DENND5B: variants seen among roughly 807,000 people sequenced by gnomAD.
DENND5B encodes the protein DENN domain-containing protein 5B.
Under a neutral mutation model 140.6 loss-of-function variants are expected in DENND5B, and 34 were observed. The observed-to-expected ratio is 0.24, with a 90% CI of 0.18 to 0.32. The LOEUF is 0.32. Among genes scored for constraint, DENND5B ranks in the 10% least tolerant of loss-of-function variants. The probability of loss-of-function intolerance (pLI) is 1.00; values close to 1 mark genes in which losing one functional copy is unlikely to be tolerated. For missense variants in DENND5B, 1,142 were observed against 1,560.2 expected (o/e 0.73, Z 4.52); for synonymous variants, 551 against 562.1 (o/e 0.98, Z 0.28).
chr12:31,578,126 C>CAAAAA (rs5797421), intron 1 of DENND5B, among the ~76,000 whole-genome samples: 3 of 77,304 alleles, frequency 3.9e-5, no homozygotes, highest in Admixed American at 1.7e-4. Context: ...GACGCTGTCT[C>CAAAAA]AAAAAAAAAA....
intron 6 of DENND5B, among the ~76,000 whole-genome samples, chr12:31,443,407 A>G (rs1003283332): frequency 5.9e-5 from 9 of 152,186 alleles, no homozygotes; most frequent in African/African-American, 2.2e-4. Flanking sequence ...CTCTTCAGAA[A>G]TTAGTATAAT....
At chr12:31,568,235 G>A (rs1949698568) in intron 1 of DENND5B, among the ~76,000 whole-genome samples, 1 of 152,214 alleles carries the variant, frequency 6.6e-6, no homozygotes, top group African/African-American at 2.4e-5. Context: ...AGGTACATAT[G>A]AAATATAAGT....
At chr12:31,453,740 G>A (rs1223505951) in intron 4 of DENND5B, among the ~76,000 whole-genome samples, 1 of 152,150 alleles carries the variant, frequency 6.6e-6, no homozygotes, top group African/African-American at 2.4e-5. Flanking sequence ...TAAGGGGAAA[G>A]GGGAAAGCAA....
chr12:31,542,359 T>C (rs1340137256), intron 1 of DENND5B, among the ~76,000 whole-genome samples: 1 of 151,130 alleles, frequency 6.6e-6, no homozygotes, highest in Non-Finnish European at 1.5e-5. Flanking sequence ...TACCAGAGGC[T>C]GAGAAGGGTA....
At chr12:31,581,004 C>A (rs1365864510) in intron 1 of DENND5B, among the ~76,000 whole-genome samples, 1 of 152,094 alleles carries the variant, frequency 6.6e-6, no homozygotes, top group African/African-American at 2.4e-5. Context: ...ACTTGGGAGG[C>A]TGAGGTAGGA....
intron 1 of DENND5B, among the ~76,000 whole-genome samples, chr12:31,515,076 T>C (rs1011935905): frequency 1.3e-5 from 2 of 152,110 alleles, no homozygotes; most frequent in African/African-American, 2.4e-5. Flanking sequence ...TCAGCTCTGA[T>C]AGTGCCACTG....
At position 31,513,420 on chromosome 12, in the gene DENND5B, C is replaced by T. The variant is rs550611420; in HGVS notation, c.128-17501G>A. ...TACTTCACCTCTTGAGGGTAAAGTACGTATCTACCTCTATCATTTGGAATT... is the reference window on the plus strand; with the variant it reads ...TACTTCACCTCTTGAGGGTAAAGTATGTATCTACCTCTATCATTTGGAATT... On this transcript the variant is annotated intron_variant, in intron 1 of 20. Coordinates refer to ENST00000389082, the MANE Select transcript of DENND5B (RefSeq NM_144973.4). 1.1e-3 allele frequency among the ~76,000 whole-genome samples: 165 copies of T among 152,278 alleles called. 1 individual carries two copies. The highest frequency in any genetic ancestry group is 2.3e-3 in the African/African-American group (95 of 41,566).
At chr12:31,551,241 A>G (rs1324186360) in intron 1 of DENND5B, among the ~76,000 whole-genome samples, 1 of 152,140 alleles carries the variant, frequency 6.6e-6, no homozygotes, top group African/African-American at 2.4e-5. Flanking sequence ...ATTTTTGTAA[A>G]AGGTGTAAGG....
intron 4 of DENND5B, among the ~76,000 whole-genome samples, chr12:31,456,642 G>A (rs1159366828): frequency 6.6e-6 from 1 of 152,204 alleles, no homozygotes; most frequent in Non-Finnish European, 1.5e-5. Context: ...ATGGTCATTT[G>A]GGGGAACCCT....
At chr12:31,532,369 G>A (rs2139093063) in intron 1 of DENND5B, among the ~76,000 whole-genome samples, 1 of 152,286 alleles carries the variant, frequency 6.6e-6, no homozygotes, top group South Asian at 2.1e-4. Flanking sequence ...TAAGACAAGA[G>A]GGTGGGCAGG....
intron 2 of DENND5B, among the ~76,000 whole-genome samples, chr12:31,485,201 G>A (rs1946253067): frequency 6.6e-6 from 1 of 152,172 alleles, no homozygotes; most frequent in Non-Finnish European, 1.5e-5. Context: ...AACAATGCCT[G>A]ACCGCACATC....
At chr12:31,477,959 C>T (rs1264008936) in intron 3 of DENND5B, 1 of 223,318 alleles carries the variant, frequency 4.5e-6, no homozygotes, top group Non-Finnish European at 1.0e-5. Context: ...CATCTGAAAT[C>T]TGTGGAGCAG....
intron 11 of DENND5B, 48 bp from the exon 12 acceptor site, chr12:31,415,496 T>C: frequency 2.1e-6 from 3 of 1,412,130 alleles, no homozygotes; most frequent in Non-Finnish European, 2.0e-6. Flanking sequence ...ATAAAAAATA[T>C]ACATGGTTCA....
intron 1 of DENND5B, among the ~76,000 whole-genome samples, chr12:31,556,813 T>C (rs1351441656): frequency 1.3e-5 from 2 of 152,210 alleles, no homozygotes; most frequent in African/African-American, 4.8e-5. Context: ...TCAAGAATAC[T>C]AGCAGATGAG....
intron 17 of DENND5B, among the ~76,000 whole-genome samples, chr12:31,397,757 C>G (rs1390796008): frequency 6.6e-6 from 1 of 151,760 alleles, no homozygotes; most frequent in Non-Finnish European, 1.5e-5. Flanking sequence ...GAAAGGCAGT[C>G]TATAAAAAAT....
At chr12:31,398,933 C>T (rs1389514206) in intron 16 of DENND5B, among the ~76,000 whole-genome samples, 1 of 151,494 alleles carries the variant, frequency 6.6e-6, no homozygotes, top group Admixed American at 6.6e-5. Flanking sequence ...ACCAGCCTGG[C>T]CAACATAGCA....
chr12:31,574,048 A>G (rs903297117), intron 1 of DENND5B, among the ~76,000 whole-genome samples: 1 of 151,378 alleles, frequency 6.6e-6, no homozygotes, highest in Non-Finnish European at 1.5e-5. Context: ...ATTTGAGGCA[A>G]GGACCATTTG....
rs1459332044 is a variant in DENND5B at position 31,387,464 on chromosome 12, T to C, written c.*139A>G. 1 of 814,156 alleles carries C rather than the reference T, an allele frequency of 1.2e-6. No homozygotes were observed. The highest frequency in any genetic ancestry group is 1.9e-6 in the Non-Finnish European group (1 of 525,050). The allele number at this position is 814,156 out of a possible 1,614,324, so 50.4% of individuals were successfully genotyped here. A position where few individuals can be genotyped will look rare whatever the true frequency, so the allele number is the denominator to read the frequency against. On this transcript the variant is annotated 3_prime_UTR_variant, in exon 21 of 21. Coordinates refer to ENST00000389082, the MANE Select transcript of DENND5B (RefSeq NM_144973.4). ...AACTACAATACAACATTTTGCCTTG[T>C]CTGTAGAGTGAGGATTGTTCCAAAT...
chr12:31,480,299 T>C, intron 2 of DENND5B, 44 bp from the exon 3 acceptor site: 9 of 1,418,198 alleles, frequency 6.3e-6, no homozygotes, highest in Non-Finnish European at 8.3e-6. Context: ...AGTACACAAA[T>C]AACTTCAAGC....
Sources: allele counts gnomAD v4.1 joint callset (sites outside exome capture counted in the v4.1 genomes callset), GRCh38; gene constraint gnomAD v4.1.1; transcripts MANE v1.5; gene names NCBI Gene and HGNC (gene_info 2026-07-23, HGNC 2026-07-21).